Variants in CIITA observed in about 807,000 individuals in gnomAD.
CIITA encodes MHC class II transactivator.
CIITA carries 72 observed loss-of-function variants against 115.1 expected under a neutral mutation model. That is an observed-to-expected ratio of 0.63 (90% confidence interval 0.52 to 0.76). The LOEUF is 0.76. Ranked by LOEUF, CIITA falls within the 30% of genes least tolerant of loss-of-function variation. The probability of loss-of-function intolerance (pLI) is 0.00; values close to 1 mark genes in which losing one functional copy is unlikely to be tolerated. For synonymous variants in CIITA, 763 were observed against 635.6 expected (o/e 1.20, Z -3.02); for missense variants, 1,617 against 1,463.8 (o/e 1.10, Z -1.71).
intron 16 of CIITA, 90 bp from the exon 17 acceptor site, chr16:10,922,077 G>C: frequency 8.5e-7 from 1 of 1,174,072 alleles, no homozygotes; most frequent in Non-Finnish European, 1.3e-6. Flanking sequence ...AGTGGGACCA[G>C]GCTTTTTCTG....
At chr16:10,899,196 A>G (rs545100430) in intron 5 of CIITA, among the ~76,000 whole-genome samples, 194 bp downstream of exon 5, 1 of 152,344 alleles carries the variant, frequency 6.6e-6, no homozygotes, top group African/African-American at 2.4e-5. Flanking sequence ...CAATGGCTAC[A>G]AAATACATGC....
intron 8 of CIITA, 45 bp downstream of exon 8, chr16:10,902,846 G>C (rs745425345): frequency 8.1e-6 from 13 of 1,610,920 alleles, no homozygotes; most frequent in Non-Finnish European, 1.1e-5. Flanking sequence ...CCTCCTACCT[G>C]ACTGCTCCCT....
intron 13 of CIITA, 111 bp downstream of exon 13, chr16:10,910,370 C>T: frequency 1.1e-6 from 1 of 933,868 alleles, no homozygotes; most frequent in Non-Finnish European, 1.7e-6. Context: ...TTCTTACCCT[C>T]TTGCCCACCA....
intron 16 of CIITA, among the ~76,000 whole-genome samples, 198 bp from the exon 17 acceptor site, chr16:10,921,969 T>C (rs917601568): frequency 1.3e-5 from 2 of 152,218 alleles, no homozygotes; most frequent in African/African-American, 4.8e-5. Flanking sequence ...TCTATTTTCA[T>C]ATCTAGAAAA....
At chr16:10,915,767 G>T in intron 14 of CIITA, 117 bp downstream of exon 14, 3 of 929,546 alleles carry the variant, frequency 3.2e-6, no homozygotes, top group Non-Finnish European at 5.2e-6. Context: ...AGCCTCCTGA[G>T]TAGCTGGGAC....
chr16:10,902,245 G>C, intron 7 of CIITA, 61 bp downstream of exon 7: 1 of 1,604,588 alleles, frequency 6.2e-7, no homozygotes, highest in South Asian at 1.1e-5. Flanking sequence ...ATAAGGAGTT[G>C]ACACTAAGGC....
At chr16:10,915,739 A>T in intron 14 of CIITA, 89 bp downstream of exon 14, 1 of 1,161,542 alleles carries the variant, frequency 8.6e-7, no homozygotes, top group Admixed American at 1.7e-5. Flanking sequence ...TCCTGGCCTC[A>T]AGTAGTCCTC....
intron 8 of CIITA, among the ~76,000 whole-genome samples, chr16:10,903,032 A>C (rs948634505): frequency 6.6e-5 from 10 of 152,202 alleles, no homozygotes; most frequent in East Asian, 3.9e-4. Context: ...GGCCTTCCAT[A>C]TGTTGCTTTC....
intron 17 of CIITA, 58 bp downstream of exon 17, chr16:10,922,308 C>A: frequency 1.2e-6 from 2 of 1,600,474 alleles, no homozygotes; most frequent in South Asian, 1.1e-5. Flanking sequence ...ACACTGAAGT[C>A]TCTCCCTGGT....
Position 10,898,620 on chromosome 16 carries a change from G to A in CIITA, c.296-50G>A, listed in dbSNP as rs371955528. Reference sequence around the variant, plus strand: ...CAGCCCAAGGCCTGGCACACAGTGGGCCTTCAGTTAGACCTTGTTGATTGA... The same window carrying A: ...CAGCCCAAGGCCTGGCACACAGTGGACCTTCAGTTAGACCTTGTTGATTGA... On this transcript the variant is annotated intron_variant, in intron 3 of 19. Transcript: ENST00000324288. The A allele has an allele frequency of 1.6e-5, 25 of 1,562,906 alleles. No homozygotes were observed. The African/African-American group carries it at 3.3e-4, about 20-fold the overall frequency.
Position 10,922,041 on chromosome 16 carries a change from A to C in CIITA, c.3150-126A>C, listed in dbSNP as rs1041032422. On this transcript the variant is annotated intron_variant, in intron 16 of 19. Coordinates refer to ENST00000324288, the MANE Select transcript of CIITA (RefSeq NM_000246.4). ...ACAATGCCAGGCTCTGTTGTGCAAT[A>C]AATATTGATTCCTTCCCCCAGGGAT... is the stretch of plus-strand genomic sequence containing the variant. 6.0e-6 allele frequency: 5 copies of C among 835,926 alleles called. No individual in the cohort carries two copies. The Admixed American group carries it at 6.9e-5, about 12-fold the overall frequency. 51.8% of individuals were successfully genotyped at this position (835,926 alleles called of 1,614,324 possible). A position where few individuals can be genotyped will look rare whatever the true frequency, so the allele number is the denominator to read the frequency against.
Position 10,907,218 on chromosome 16 carries a change from G to A in CIITA, c.1726G>A (p.Ala576Thr). 6.2e-7 allele frequency: 1 copy of A among 1,613,456 alleles called. No homozygotes were observed. The highest frequency in any genetic ancestry group is 8.5e-7 in the Non-Finnish European group (1 of 1,179,984). Residue 576 changes from alanine (A) to threonine (T), a missense_variant, in exon 11 of 20, where the codon GCA becomes ACA. Ala to Thr is a moderately conservative substitution (Grantham distance 58, BLOSUM62 0). Transcript: ENST00000324288. This position sits in a 1 kb window ranked among gnomAD's most constrained non-coding sequence, Gnocchi z 5.0. ...CGGCTTCTCCATGGAGCAGGCCCAG[G>A]CATACGTGATGCGCTACTTTGAGAG... Reference protein sequence around the residue: ...LSGFSMEQAQAYVMRYFESSG... With the variant: ...LSGFSMEQAQTYVMRYFESSG...
chr16:10,877,425 A>C, intron 1 of CIITA, 43 bp downstream of exon 1: 6 of 1,581,570 alleles, frequency 3.8e-6, no homozygotes, highest in Non-Finnish European at 5.2e-6. Context: ...GTGCAGTCTC[A>C]GCTGGTCCTG....
chr16:10,867,172 AG>A (rs2035131562), intron 1 of CIITA, among the ~76,000 whole-genome samples: 1 of 152,056 alleles, frequency 6.6e-6, no homozygotes, highest in African/African-American at 2.4e-5. Context: ...TGAACTGGGA[AG>A]GCAGAGGTTG....
At chr16:10,869,506 A>C (rs1253224533) in intron 1 of CIITA, among the ~76,000 whole-genome samples, 1 of 136,856 alleles carries the variant, frequency 7.3e-6, no homozygotes, top group East Asian at 2.0e-4. Flanking sequence ...CCCTCCCCAG[A>C]TTGATTTTTT....
intron 1 of CIITA, among the ~76,000 whole-genome samples, chr16:10,883,077 G>A (rs896944179): frequency 1.3e-5 from 2 of 152,226 alleles, no homozygotes; most frequent in East Asian, 1.9e-4. Flanking sequence ...GGACTGGCTC[G>A]TGGTTCATCT....
At chr16:10,878,962 C>A in intron 1 of CIITA, 2 of 224,210 alleles carry the variant, frequency 8.9e-6, no homozygotes, top group Middle Eastern at 1.3e-3. Flanking sequence ...AGCGGACGAG[C>A]TGCCACAGAC....
intron 12 of CIITA, among the ~76,000 whole-genome samples, chr16:10,909,797 G>A (rs779932121): frequency 1.1e-4 from 16 of 152,126 alleles, no homozygotes; most frequent in South Asian, 2.1e-4. Context: ...ACAGTAGTGC[G>A]ATCATAGCTT....
chr16:10,884,481 C>T (rs2036738844), intron 1 of CIITA, among the ~76,000 whole-genome samples: 1 of 152,178 alleles, frequency 6.6e-6, no homozygotes, highest in Admixed American at 6.5e-5. Context: ...GTGGCACAGT[C>T]ATTGCTCACT....
Sources: allele counts gnomAD v4.1 joint callset (sites outside exome capture counted in the v4.1 genomes callset), GRCh38; gene constraint gnomAD v4.1.1; non-coding constraint Gnocchi (gnomAD v3.1); transcripts MANE v1.5; gene names NCBI Gene and HGNC (gene_info 2026-07-23, HGNC 2026-07-21).